The following LEKR1 variants were observed in gnomAD, a reference collection of about 807,000 sequenced individuals.
LEKR1 encodes the protein leucine, glutamate and lysine rich 1.
In LEKR1, 59 loss-of-function variants were observed where a neutral mutation model predicts 72.4. The ratio of observed to expected loss-of-function variants is 0.82; its 90% CI spans 0.66 to 1.01. LEKR1 has a LOEUF of 1.01. Ranked by LOEUF, LEKR1 falls within the 50% of genes least tolerant of loss-of-function variation. The pLI, the probability that LEKR1 is intolerant of heterozygous loss-of-function variation, is 0.00. For missense variants in LEKR1, 728 were observed against 759.2 expected, an observed-to-expected ratio of 0.96 and a Z score of 0.48; for synonymous variants, 257 against 263.2, an observed-to-expected ratio of 0.98 and a Z score of 0.23.
intron 6 of LEKR1, among the ~76,000 whole-genome samples, chr3:156,953,978 C>T (rs116101314): frequency 0.016 from 2,465 of 152,030 alleles, 66 homozygotes; most frequent in African/African-American, 0.055. Context: ...AATTTGTACT[C>T]CCACCAACAG....
intron 9 of LEKR1, among the ~76,000 whole-genome samples, chr3:156,995,415 CT>C (rs369353775): frequency 3.3e-5 from 5 of 152,022 alleles, no homozygotes; most frequent in African/African-American, 1.2e-4. Context: ...CTTTTCCTTT[CT>C]TTTTTTTCTT....
rs1012433500 is a variant in LEKR1 at position 156,863,563 on chromosome 3, T to C, written c.263+10581T>C. Among the ~76,000 whole-genome samples, 3 of 152,218 alleles carry C rather than the reference T, an allele frequency of 2.0e-5. No individual in the cohort carries two copies. The Middle Eastern group carries it at 0.01, about 518-fold the overall frequency. ...TTTTTCTCAGATTCTTTACATATTA[T>C]TTACATATTTATAACTGGGAACAGC... On this transcript the variant is annotated intron_variant, in intron 3 of 12. Transcript: ENST00000356539.
intron 5 of LEKR1, among the ~76,000 whole-genome samples, chr3:156,932,847 G>C (rs1423617275): frequency 6.6e-6 from 1 of 151,842 alleles, no homozygotes; most frequent in African/African-American, 2.4e-5. Flanking sequence ...TGGCTAACAT[G>C]ATGAAAACCT....
chr3:156,898,452 G>C (rs1192968243), intron 3 of LEKR1, among the ~76,000 whole-genome samples: 1 of 152,110 alleles, frequency 6.6e-6, no homozygotes, highest in Non-Finnish European at 1.5e-5. Flanking sequence ...AGCCCTTGCC[G>C]TGTGAGGTTA....
At chr3:156,936,784 AAAAAGAGAAAGTGCC>A (rs1439330249) in intron 5 of LEKR1, among the ~76,000 whole-genome samples, 2 of 152,176 alleles carry the variant, frequency 1.3e-5, no homozygotes, top group Non-Finnish European at 2.9e-5. Flanking sequence ...TTAGGTAAAG[AAAAAGAGAAAGTGCC>A]TTGTCCTAAA....
At chr3:156,929,938 A>T (rs1004916007) in intron 5 of LEKR1, among the ~76,000 whole-genome samples, 1 of 152,168 alleles carries the variant, frequency 6.6e-6, no homozygotes, top group African/African-American at 2.4e-5. Flanking sequence ...GACTTTTTTG[A>T]CATTGGATAA....
At chr3:156,835,300 TG>T (rs1481044135) in intron 2 of LEKR1, among the ~76,000 whole-genome samples, 1 of 152,220 alleles carries the variant, frequency 6.6e-6, no homozygotes, top group Non-Finnish European at 1.5e-5. Context: ...CCCTTACCAA[TG>T]GGGGTTTTCT....
chr3:157,025,639 T>C (rs1429489842), intron 11 of LEKR1, among the ~76,000 whole-genome samples: 1 of 152,226 alleles, frequency 6.6e-6, no homozygotes, highest in Non-Finnish European at 1.5e-5. Context: ...CAGCACCAGC[T>C]ACATGTGTAC....
At position 156,996,141 on chromosome 3, in the gene LEKR1, A is replaced by T. The variant is rs115095097; in HGVS notation, c.1109+2864A>T. ...TACATAGTACATAGCTTATATTTTA[A>T]GGGTAGAGACAAACAGTAAAACAAA... On this transcript the variant is annotated intron_variant, in intron 9 of 12. Transcript: ENST00000356539. Among the ~76,000 whole-genome samples, 1,035 of 152,222 alleles carry T rather than the reference A, an allele frequency of 6.8e-3. 21 individuals are homozygous for T. The highest frequency in any genetic ancestry group is 0.024 in the African/African-American group (983 of 41,534).
At chr3:156,837,854 C>G (rs1713355320) in intron 2 of LEKR1, among the ~76,000 whole-genome samples, 1 of 152,194 alleles carries the variant, frequency 6.6e-6, no homozygotes. Flanking sequence ...TTCCTTATCT[C>G]TCAGCAGCTT....
chr3:156,927,697 G>A (rs1724846777), intron 5 of LEKR1, 93 bp downstream of exon 5: 1 of 463,440 alleles, frequency 2.2e-6, no homozygotes, highest in Non-Finnish European at 3.4e-6. Flanking sequence ...TATTTGATGG[G>A]AATTAGGATT....
intron 3 of LEKR1, among the ~76,000 whole-genome samples, chr3:156,895,942 A>T (rs963899051): frequency 3.9e-5 from 6 of 152,362 alleles, no homozygotes; most frequent in Admixed American, 3.9e-4. Flanking sequence ...ACAATAGCAA[A>T]GATATGGAAT....
intron 6 of LEKR1, among the ~76,000 whole-genome samples, chr3:156,952,427 G>A (rs1727241870): frequency 6.6e-6 from 1 of 151,224 alleles, no homozygotes; most frequent in African/African-American, 2.4e-5. Flanking sequence ...AAACTGTGAA[G>A]TTTTGGAGTT....
Position 156,897,859 on chromosome 3 carries a change from A to G in LEKR1, c.264-22716A>G, listed in dbSNP as rs1222993219. On this transcript the variant is annotated intron_variant, in intron 3 of 12. Transcript: ENST00000356539. ...TTCCAGTTACTCGGGAGGCTAAGGC[A>G]GGAGAATTGCTTGAATCCGGGAGGC... Among the ~76,000 whole-genome samples the G allele has an allele frequency of 4.6e-5, 7 of 152,092 alleles. No individual in the cohort carries two copies. The East Asian group carries it at 1.4e-3, about 29-fold the overall frequency.
intron 3 of LEKR1, among the ~76,000 whole-genome samples, chr3:156,887,993 T>C (rs938084823): frequency 6.6e-6 from 1 of 152,218 alleles, no homozygotes; most frequent in African/African-American, 2.4e-5. Context: ...AATATGTAGA[T>C]AAAATCATTA....
intron 3 of LEKR1, among the ~76,000 whole-genome samples, chr3:156,897,427 G>T (rs1407005872): frequency 2.0e-5 from 3 of 151,970 alleles, no homozygotes; most frequent in Non-Finnish European, 4.4e-5. Context: ...GCTCAAGGTG[G>T]TTGGGGTGCA....
chr3:156,972,804 T>G (rs1359286884), intron 6 of LEKR1, among the ~76,000 whole-genome samples: 3 of 151,602 alleles, frequency 2.0e-5, no homozygotes, highest in Non-Finnish European at 4.4e-5. Context: ...TTTAAAATAG[T>G]GAAAAAATAA....
chr3:156,879,947 A>C (rs1719089706), intron 3 of LEKR1, among the ~76,000 whole-genome samples: 1 of 152,244 alleles, frequency 6.6e-6, no homozygotes, highest in Non-Finnish European at 1.5e-5. Flanking sequence ...CTGAATGTCT[A>C]GGCATAAGTT....
intron 9 of LEKR1, among the ~76,000 whole-genome samples, chr3:157,006,964 G>A (rs1263218022): frequency 6.6e-6 from 1 of 152,184 alleles, no homozygotes; most frequent in Admixed American, 6.5e-5. Flanking sequence ...CACTTTGGGA[G>A]GCCGAGGTGG....
Sources: gnomAD v4.1 joint callset for allele counts (sites outside exome capture counted in the v4.1 genomes callset) on GRCh38, gnomAD v4.1.1 for gene constraint, MANE v1.5 for transcripts, NCBI Gene and HGNC (gene_info 2026-07-23, HGNC 2026-07-21) for gene names.